Variants in GLIS1 observed in about 807,000 individuals in gnomAD.
GLIS1 encodes zinc finger protein GLIS1.
A neutral mutation model predicts 63.8 loss-of-function variants in GLIS1; 24 were observed. The ratio of observed to expected loss-of-function variants is 0.38; its 90% confidence interval spans 0.27 to 0.53. The LOEUF is 0.53. GLIS1 is among the 20% of genes least tolerant of loss of function. The pLI, the probability that GLIS1 is intolerant of heterozygous loss-of-function variation, is 0.85. For missense variants in GLIS1, 1,036 were observed against 1,074.1 expected (o/e 0.96, Z 0.50); for synonymous variants, 450 against 482.5 (o/e 0.93, Z 0.88).
intron 2 of GLIS1, among the ~76,000 whole-genome samples, chr1:53,713,699 C>A (rs1445798172): frequency 1.3e-5 from 2 of 152,198 alleles, no homozygotes; most frequent in East Asian, 3.9e-4. Context: ...GAAGTTGAGG[C>A]TGCAGTGAGC....
intron 7 of GLIS1, among the ~76,000 whole-genome samples, chr1:53,517,597 C>T (rs980144754): frequency 6.6e-6 from 1 of 151,770 alleles, no homozygotes; most frequent in Non-Finnish European, 1.5e-5. Context: ...ATCACATTAC[C>T]CTGGATCTGC....
rs532046776 is a variant in GLIS1, at chr1:53,696,775, G to A, written c.259+41031C>T. 1.4e-3 allele frequency among the ~76,000 whole-genome samples: 210 copies of A among 152,200 alleles called. 2 individuals carry two copies. The highest frequency in any genetic ancestry group is 4.8e-3 in the African/African-American group (200 of 41,532). ...CGCCTGGAACTCCCTTCCCGCCAGC[G>A]CTCAAGGGCCCACCTCCCACACGGA... On this transcript the variant is annotated intron_variant, in intron 2 of 10. Coordinates refer to ENST00000628545, the MANE Select transcript of GLIS1 (RefSeq NM_001367484.1).
chr1:53,720,869 G>A (rs568358573), intron 2 of GLIS1, among the ~76,000 whole-genome samples: 1 of 152,074 alleles, frequency 6.6e-6, no homozygotes, highest in Non-Finnish European at 1.5e-5. Context: ...ATGGTAGCCG[G>A]AGTCTGTAGT....
intron 2 of GLIS1, among the ~76,000 whole-genome samples, chr1:53,634,448 G>A (rs116014392): frequency 0.011 from 1,700 of 152,294 alleles, 30 homozygotes; most frequent in African/African-American, 0.039. Flanking sequence ...CATGAGTGGC[G>A]TCCTGAAGCT....
intron 2 of GLIS1, among the ~76,000 whole-genome samples, chr1:53,604,769 G>C (rs1289513291): frequency 1.3e-5 from 2 of 152,060 alleles, no homozygotes; most frequent in African/African-American, 4.8e-5. Flanking sequence ...CAAGTATAAG[G>C]CTTAGACTTG....
chr1:53,647,535 C>T (rs1445136450), intron 2 of GLIS1, among the ~76,000 whole-genome samples: 1 of 152,176 alleles, frequency 6.6e-6, no homozygotes, highest in East Asian at 1.9e-4. Context: ...GCACACCAAA[C>T]ATAAAAACCA....
intron 2 of GLIS1, among the ~76,000 whole-genome samples, chr1:53,685,309 T>C (rs758488471): frequency 6.6e-6 from 1 of 152,180 alleles, no homozygotes; most frequent in African/African-American, 2.4e-5. Context: ...CCCGCGGACA[T>C]ACCATTCCTT....
At chr1:53,590,707 C>T (rs1569876434) in intron 4 of GLIS1, among the ~76,000 whole-genome samples, 1 of 152,168 alleles carries the variant, frequency 6.6e-6, no homozygotes, top group Admixed American at 6.5e-5. Flanking sequence ...TGAGACAACT[C>T]GGGCAACGTA....
At chr1:53,686,128 A>G (rs1030713039) in intron 2 of GLIS1, among the ~76,000 whole-genome samples, 1 of 152,134 alleles carries the variant, frequency 6.6e-6, no homozygotes, top group African/African-American at 2.4e-5. Flanking sequence ...ACCAGACTGC[A>G]AAGCCCCTTT....
chr1:53,734,621 G>A (rs1462956245), intron 2 of GLIS1, among the ~76,000 whole-genome samples: 1 of 152,190 alleles, frequency 6.6e-6, no homozygotes, highest in Non-Finnish European at 1.5e-5. Flanking sequence ...GCACTTTACA[G>A]ACTTCTACAT....
chr1:53,596,272 TG>T (rs1645254205), intron 3 of GLIS1, among the ~76,000 whole-genome samples: 1 of 152,010 alleles, frequency 6.6e-6, no homozygotes, highest in South Asian at 2.1e-4. Flanking sequence ...CCATTCTGAG[TG>T]GGGGGACCAG....
chr1:53,707,193 G>C (rs1646587784), intron 2 of GLIS1, among the ~76,000 whole-genome samples: 1 of 152,128 alleles, frequency 6.6e-6, no homozygotes, highest in Non-Finnish European at 1.5e-5. Context: ...GGGGAAGAGG[G>C]GAGAAAGAAG....
In GLIS1 at chr1:53,539,803, G is replaced by A. The variant is rs1168749834; in HGVS notation, c.1321-9851C>T. ...TGCGTGTGGGGTTCACTGAGGGGCT[G>A]GGTCCACTGCGCCTCCTGACCTCTG... On this transcript the variant is annotated intron_variant, in intron 4 of 10. Coordinates refer to ENST00000628545, the MANE Select transcript of GLIS1 (RefSeq NM_001367484.1). This position sits in a 1 kb window ranked among gnomAD's most constrained non-coding sequence, Gnocchi z 5.0. Among the ~76,000 whole-genome samples, 2 of 152,124 alleles carry A rather than the reference G, an allele frequency of 1.3e-5. No individual in the cohort carries two copies. Among genetic ancestry groups the A allele is most frequent in the Non-Finnish European group, 2.9e-5 (2 of 68,026 alleles).
intron 2 of GLIS1, among the ~76,000 whole-genome samples, chr1:53,684,696 C>T (rs1233002239): frequency 6.6e-6 from 1 of 152,178 alleles, no homozygotes; most frequent in Non-Finnish European, 1.5e-5. Context: ...TTCTTCCCTG[C>T]CATGAATCTC....
At chr1:53,534,637 G>A (rs1644563933) in intron 4 of GLIS1, among the ~76,000 whole-genome samples, 1 of 151,860 alleles carries the variant, frequency 6.6e-6, no homozygotes, top group Non-Finnish European at 1.5e-5. Flanking sequence ...AGCCAGCTGT[G>A]CACCCCATCC....
intron 4 of GLIS1, among the ~76,000 whole-genome samples, chr1:53,591,649 G>A (rs1289841162): frequency 6.6e-6 from 1 of 152,292 alleles, no homozygotes; most frequent in Non-Finnish European, 1.5e-5. Flanking sequence ...TAAAATGGGG[G>A]TTCACAGTAT....
intron 2 of GLIS1, among the ~76,000 whole-genome samples, chr1:53,664,523 G>T (rs1156445022): frequency 1.3e-5 from 2 of 152,240 alleles, no homozygotes; most frequent in African/African-American, 4.8e-5. Flanking sequence ...TATGGGCAAA[G>T]TTCTAAGTAG....
At chr1:53,573,710 A>C (rs953339841) in intron 4 of GLIS1, among the ~76,000 whole-genome samples, 1 of 152,236 alleles carries the variant, frequency 6.6e-6, no homozygotes, top group Admixed American at 6.5e-5. Flanking sequence ...ACGCAGATGC[A>C]TGCACACATG....
chr1:53,642,532 G>C (rs1457992631), intron 2 of GLIS1, among the ~76,000 whole-genome samples: 1 of 152,192 alleles, frequency 6.6e-6, no homozygotes, highest in African/African-American at 2.4e-5. Flanking sequence ...GGTTTGTTCT[G>C]TTGGTGCTAA....
Sources: gnomAD v4.1 joint callset for allele counts (sites outside exome capture counted in the v4.1 genomes callset) on GRCh38, gnomAD v4.1.1 for gene constraint, Gnocchi (gnomAD v3.1) non-coding constraint, MANE v1.5 for transcripts, NCBI Gene and HGNC (gene_info 2026-07-23, HGNC 2026-07-21) for gene names.